Variants in ABCA13 observed in about 807,000 individuals in gnomAD.
ABCA13 encodes the protein ATP-binding cassette sub-family A member 13.
In ABCA13, 476 loss-of-function variants were observed where a neutral mutation model predicts 478.7. The ratio of observed to expected loss-of-function variants is 0.99; its 90% CI spans 0.92 to 1.07. ABCA13 has a LOEUF of 1.07. Ranked by LOEUF, ABCA13 falls within the 50% of genes least tolerant of loss-of-function variation. The pLI is 0.00. For synonymous variants in ABCA13, 2,252 were observed against 2,158.9 expected (o/e 1.04, Z -1.20); for missense variants, 6,060 against 5,910.6 (o/e 1.03, Z -0.83).
At position 48,295,825 on chromosome 7, in the gene ABCA13, C is replaced by T; in HGVS notation, c.9081C>T (p.Ser3027=). Residue 3027 remains serine, a synonymous_variant, in exon 21 of 62, where the codon AGC becomes AGT. Coordinates refer to ENST00000435803, the MANE Select transcript of ABCA13 (RefSeq NM_152701.5). ...LENATGQDCT[S]QPRLETVQQH... The stretch of plus-strand genomic sequence containing the variant: ...ATGCCACTGGCCAGGACTGCACAAG[C>T]CAGCCGAGGCTGGAGACGGTGCAGC... 2 of 1,613,568 alleles carry T rather than the reference C, an allele frequency of 1.2e-6. No homozygotes were observed. The highest frequency in any genetic ancestry group is 1.7e-6 in the Non-Finnish European group (2 of 1,179,622).
At chr7:48,447,593 G>C (rs1158261322) in intron 42 of ABCA13, among the ~76,000 whole-genome samples, 2 of 152,218 alleles carry the variant, frequency 1.3e-5, no homozygotes, top group Non-Finnish European at 2.9e-5. Flanking sequence ...AAAGTTGAGA[G>C]TGAAATCAAG....
chr7:48,614,285 T>C (rs1792322270), intron 58 of ABCA13, among the ~76,000 whole-genome samples: 1 of 151,422 alleles, frequency 6.6e-6, no homozygotes, highest in Admixed American at 6.7e-5. Flanking sequence ...TTTGTACTAT[T>C]GCTAAATGCT....
At chr7:48,624,053 T>C (rs536316473) in intron 59 of ABCA13, among the ~76,000 whole-genome samples, 2 of 141,738 alleles carry the variant, frequency 1.4e-5, no homozygotes, top group East Asian at 4.1e-4. Context: ...TGTGAGCACA[T>C]GATAGAGTGT....
intron 1 of ABCA13, among the ~76,000 whole-genome samples, chr7:48,190,333 G>A (rs1291481412): frequency 6.6e-6 from 1 of 152,140 alleles, no homozygotes; most frequent in Non-Finnish European, 1.5e-5. Context: ...ATTTCATAAT[G>A]TGCATTGGTT....
chr7:48,192,938 T>A, intron 1 of ABCA13, 21 bp from the exon 2 acceptor site: 15 of 1,480,350 alleles, frequency 1.0e-5, no homozygotes, highest in Non-Finnish European at 1.3e-5. Context: ...AGGTGATTTT[T>A]TTTTTTTTTT....
chr7:48,530,712 T>C (rs1024265196), intron 55 of ABCA13, among the ~76,000 whole-genome samples: 1 of 152,204 alleles, frequency 6.6e-6, no homozygotes, highest in African/African-American at 2.4e-5. Flanking sequence ...CACATTGTGT[T>C]TTGATTTGCA....
At chr7:48,233,827 G>A (rs1171796767) in intron 7 of ABCA13, among the ~76,000 whole-genome samples, 191 bp from the exon 8 acceptor site, 2 of 152,314 alleles carry the variant, frequency 1.3e-5, no homozygotes, top group Non-Finnish European at 2.9e-5. Context: ...GGGAGCATGG[G>A]ACACTTCACC....
At chr7:48,599,160 T>A (rs964447097) in intron 58 of ABCA13, among the ~76,000 whole-genome samples, 5 of 152,058 alleles carry the variant, frequency 3.3e-5, no homozygotes, top group African/African-American at 1.2e-4. Context: ...TATCTTGAAA[T>A]ATTTTTCAAT....
At chr7:48,404,297 A>G in intron 39 of ABCA13, 1 of 246,232 alleles carries the variant, frequency 4.1e-6, no homozygotes, top group Non-Finnish European at 8.3e-6. Flanking sequence ...TCCTGAACTG[A>G]GGGTGGATGT....
At chr7:48,204,085 A>G (rs1584169238) in intron 3 of ABCA13, among the ~76,000 whole-genome samples, 1 of 144,914 alleles carries the variant, frequency 6.9e-6, no homozygotes, top group African/African-American at 2.6e-5. Flanking sequence ...TCAGCTTCTC[A>G]GTTTGCTTTT....
chr7:48,549,732 T>C (rs1785139032), intron 55 of ABCA13, among the ~76,000 whole-genome samples: 1 of 151,970 alleles, frequency 6.6e-6, no homozygotes, highest in African/African-American at 2.4e-5. Context: ...ATGTATTGTT[T>C]CCTGACATTT....
In ABCA13 at chr7:48,372,214, G is replaced by T; in HGVS notation, c.10850G>T (p.Trp3617Leu). ...GVHPVIHFLA[W>L]FLENMAVLTI... ...CATCCAGTGATCCATTTCCTGGCCTGGTTCCTGGAGAACATGGCTGTGTTG... is the reference window on the plus strand; with the variant it reads ...CATCCAGTGATCCATTTCCTGGCCTTGTTCCTGGAGAACATGGCTGTGTTG... Residue 3617 changes from tryptophan to leucine, a missense_variant, in exon 33 of 62, where the codon TGG (tryptophan) becomes TTG (leucine). Around this residue, in one of 3 missense-constraint regions of ABCA13, gnomAD observed 4,423 missense variants for 4,309.1 expected, o/e 1.03. Transcript: ENST00000435803. 6.2e-7 allele frequency: 1 copy of T among 1,613,816 alleles called. No homozygotes were observed. Among genetic ancestry groups the T allele is most frequent in the Non-Finnish European group, 8.5e-7 (1 of 1,179,800 alleles).
intron 4 of ABCA13, among the ~76,000 whole-genome samples, chr7:48,220,666 A>G (rs1787233989): frequency 6.6e-6 from 1 of 152,180 alleles, no homozygotes; most frequent in South Asian, 2.1e-4. Flanking sequence ...AAATGTATCA[A>G]AATAGACCAG....
intron 59 of ABCA13, 88 bp from the exon 60 acceptor site, chr7:48,643,200 T>C: frequency 1.2e-6 from 1 of 813,288 alleles, no homozygotes; most frequent in Non-Finnish European, 2.0e-6. Context: ...TACTTCCTTT[T>C]TCTCCCTCTG....
At chr7:48,380,968 G>A (rs993510785) in intron 35 of ABCA13, among the ~76,000 whole-genome samples, 28 of 152,268 alleles carry the variant, frequency 1.8e-4, no homozygotes, top group African/African-American at 6.7e-4. Flanking sequence ...ACTCTCTCCC[G>A]AAGAGCCTGA....
chr7:48,552,459 GT>G (rs1785412609), intron 55 of ABCA13, among the ~76,000 whole-genome samples: 1 of 151,742 alleles, frequency 6.6e-6, no homozygotes, highest in African/African-American at 2.4e-5. Flanking sequence ...TTTGGTGGTG[GT>G]TGGATACAGA....
At chr7:48,365,069 G>A (rs887190714) in intron 31 of ABCA13, among the ~76,000 whole-genome samples, 4 of 151,994 alleles carry the variant, frequency 2.6e-5, no homozygotes, top group African/African-American at 4.8e-5. Flanking sequence ...CCCTGCCAGC[G>A]TCTGTTATTT....
At chr7:48,443,035 G>A (rs1256175020) in intron 42 of ABCA13, among the ~76,000 whole-genome samples, 1 of 152,126 alleles carries the variant, frequency 6.6e-6, no homozygotes, top group Non-Finnish European at 1.5e-5. Flanking sequence ...TATAAGAACA[G>A]GAAATGTACG....
chr7:48,497,854 C>G lies in ABCA13; in HGVS notation c.13292-8482C>G, dbSNP rs149094588. 5.9e-5 allele frequency among the ~76,000 whole-genome samples: 9 copies of G among 152,316 alleles called. No individual in the cohort carries two copies. In the East Asian group the frequency reaches 1.7e-3, roughly 29 times the overall value. Reference sequence around the variant, plus strand: ...TCACTTTGAAAGTATTCTTTAGTCTCATCGAAGCCAGATGGGAATGGATGC... The same window carrying G: ...TCACTTTGAAAGTATTCTTTAGTCTGATCGAAGCCAGATGGGAATGGATGC... On this transcript the variant is annotated intron_variant, in intron 48 of 61. Transcript: ENST00000435803.
Sources: gnomAD v4.1 joint callset for allele counts (sites outside exome capture counted in the v4.1 genomes callset) on GRCh38, gnomAD v4.1.1 for gene constraint, gnomAD v4.1.1 regional missense constraint, MANE v1.5 for transcripts, NCBI Gene and HGNC (gene_info 2026-07-23, HGNC 2026-07-21) for gene names.